Variants in SLC15A5 observed in about 807,000 individuals in gnomAD.
SLC15A5 encodes the protein solute carrier family 15 member 5, also known as Peptide/histidine transporter ENSP00000340402.
In SLC15A5, 58 loss-of-function variants were observed where a neutral mutation model predicts 56.1. That is an observed-to-expected ratio of 1.03 (90% CI 0.84 to 1.29). SLC15A5 has a LOEUF of 1.29. SLC15A5 is among the 50% of genes most tolerant of loss of function. The probability of loss-of-function intolerance (pLI) is 0.00; values close to 1 mark genes in which losing one functional copy is unlikely to be tolerated. For missense variants in SLC15A5, 681 were observed against 672.1 expected, an observed-to-expected ratio of 1.01 and a Z score of -0.15; for synonymous variants, 264 against 250.5, an observed-to-expected ratio of 1.05 and a Z score of -0.51.
intron 7 of SLC15A5, among the ~76,000 whole-genome samples, chr12:16,215,672 G>A (rs1864124962): frequency 6.6e-6 from 1 of 152,250 alleles, no homozygotes; most frequent in African/African-American, 2.4e-5. Flanking sequence ...ACAATTCCAG[G>A]TAGCACACGG....
chr12:16,206,042 G>A (rs899405992), intron 7 of SLC15A5, among the ~76,000 whole-genome samples: 4 of 152,250 alleles, frequency 2.6e-5, no homozygotes, highest in East Asian at 1.9e-4. Flanking sequence ...TCTGAGGCAC[G>A]CCTTCTACTT....
intron 1 of SLC15A5, 128 bp downstream of exon 1, chr12:16,277,197 A>G (rs1350459822): frequency 2.2e-6 from 2 of 904,406 alleles, no homozygotes; most frequent in Non-Finnish European, 3.2e-6. Flanking sequence ...AATACATTGA[A>G]CCCACATTCT....
chr12:16,202,560 A>G (rs760006241), intron 7 of SLC15A5, among the ~76,000 whole-genome samples: 23 of 152,132 alleles, frequency 1.5e-4, no homozygotes, highest in Non-Finnish European at 2.1e-4. Flanking sequence ...TAAAAATAGC[A>G]TTACCATAGC....
intron 8 of SLC15A5, among the ~76,000 whole-genome samples, chr12:16,191,059 C>G (rs149378473): frequency 2.6e-4 from 40 of 152,166 alleles, no homozygotes; most frequent in African/African-American, 9.6e-4. Context: ...TTTCATCTAC[C>G]TACTTCCTTC....
intron 8 of SLC15A5, among the ~76,000 whole-genome samples, chr12:16,193,759 C>T (rs1863861471): frequency 9.1e-6 from 1 of 110,154 alleles, no homozygotes; most frequent in Admixed American, 1.1e-4. Flanking sequence ...AAGTACACAG[C>T]TGTCCAAGAA....
intron 6 of SLC15A5, among the ~76,000 whole-genome samples, chr12:16,221,512 C>T (rs960287688): frequency 2.0e-5 from 3 of 152,146 alleles, no homozygotes; most frequent in Non-Finnish European, 4.4e-5. Flanking sequence ...GAAACACACA[C>T]ATTTCTGGGG....
At position 16,277,421 on chromosome 12, in the gene SLC15A5, T is replaced by C; in HGVS notation, c.265A>G (p.Thr89Ala). 2.0e-6 allele frequency: 3 copies of C among 1,536,538 alleles called. No individual in the cohort carries two copies. The highest frequency in any genetic ancestry group is 1.2e-5 in the South Asian group (1 of 84,044). ...ACAAACACAGGGGTAAGTATTGAAG[T>C]TCCAATAAAACACAAGTTTAAGATG... ...AAILNLCFIG[T>A]SILTPVFVRW... Residue 89 changes from threonine (T) to alanine (A), a missense_variant, in exon 1 of 9, where the codon ACT (threonine) becomes GCT (alanine). By Grantham distance (58) the Thr-to-Ala change is moderately conservative. Coordinates refer to ENST00000344941, the MANE Select transcript of SLC15A5 (RefSeq NM_001170798.1).
At chr12:16,229,647 TACACACACACAC>T (rs71438372) in intron 5 of SLC15A5, among the ~76,000 whole-genome samples, 16 of 144,390 alleles carry the variant, frequency 1.1e-4, no homozygotes, top group Admixed American at 4.2e-4. Flanking sequence ...CACACACACA[TACACACACACAC>T]ACACACACAC....
chr12:16,277,364 T>G lies in SLC15A5; in HGVS notation c.322A>C (p.Asn108His), dbSNP rs1174227690. Reference protein sequence around the residue: ...RWLTDVYLGRNKLVYICLFLH... With the variant: ...RWLTDVYLGRHKLVYICLFLH... ...AACAAGCAAATGTACACCAGTTTGT[T>G]TCTTCCTAAATAGACATCAGTGAGC... The change falls in exon 1 of 9, where the codon AAC (asparagine) becomes CAC (histidine). Residue 108 changes from asparagine to histidine, a missense_variant. Transcript: ENST00000344941. 8.5e-6 allele frequency: 13 copies of G among 1,535,258 alleles called. No individual in the cohort carries two copies. Among genetic ancestry groups the G allele is most frequent in the Non-Finnish European group, 1.0e-5 (12 of 1,145,786 alleles).
At position 16,194,329 on chromosome 12, in the gene SLC15A5, C is replaced by G; in HGVS notation, c.1592+16G>C. On this transcript the variant is annotated intron_variant, in intron 8 of 8. Transcript: ENST00000344941. ...ATGGACTCAGAAATTTTTCATCTTA[C>G]CACACACTTACTTACCTTTGTGAAA... 1 of 1,495,314 alleles carries G rather than the reference C, an allele frequency of 6.7e-7. No homozygotes were observed. Among genetic ancestry groups the G allele is most frequent in the Non-Finnish European group, 9.0e-7 (1 of 1,112,808 alleles). The allele number at this position is 1,495,314 out of a possible 1,614,324, so 92.6% of individuals were successfully genotyped here.
intron 3 of SLC15A5, among the ~76,000 whole-genome samples, chr12:16,247,626 A>G (rs1397881975): frequency 9.9e-5 from 15 of 152,098 alleles, no homozygotes; most frequent in Admixed American, 9.8e-4. Context: ...AAACAGGCAA[A>G]GAGACGTAGG....
At chr12:16,236,001 A>G (rs1305581940) in intron 5 of SLC15A5, among the ~76,000 whole-genome samples, 4 of 152,172 alleles carry the variant, frequency 2.6e-5, no homozygotes, top group Admixed American at 2.6e-4. Flanking sequence ...TATTGCAGTT[A>G]TGTGAATATA....
chr12:16,190,037 C>T (rs3915244), intron 8 of SLC15A5, among the ~76,000 whole-genome samples: 72,051 of 151,968 alleles, frequency 0.47, 17,582 homozygotes, highest in East Asian at 0.71. Flanking sequence ...CTTTAGGTGG[C>T]GCTTTTTAAC....
At chr12:16,259,197 TA>T (rs1864614388) in intron 2 of SLC15A5, among the ~76,000 whole-genome samples, 1 of 112,980 alleles carries the variant, frequency 8.9e-6, no homozygotes, top group Admixed American at 8.7e-5. Context: ...CCATACCTGG[TA>T]ATTTTTTTTT....
chr12:16,200,026 A>C (rs898471976), intron 7 of SLC15A5, among the ~76,000 whole-genome samples: 1 of 151,734 alleles, frequency 6.6e-6, no homozygotes, highest in Non-Finnish European at 1.5e-5. Flanking sequence ...ATCCACATAC[A>C]CTCTCAGTTA....
chr12:16,208,667 T>TA (rs1379592545), intron 7 of SLC15A5, among the ~76,000 whole-genome samples: 1 of 152,090 alleles, frequency 6.6e-6, no homozygotes, highest in Non-Finnish European at 1.5e-5. Flanking sequence ...ATCCCATCTC[T>TA]AAAAAACCCC....
intron 2 of SLC15A5, among the ~76,000 whole-genome samples, chr12:16,268,544 G>C (rs1404001665): frequency 6.6e-6 from 1 of 152,140 alleles, no homozygotes; most frequent in African/African-American, 2.4e-5. Context: ...TTGCTGAAAT[G>C]TACCTTATAA....
rs1473428506 is a variant in SLC15A5 at position 16,257,816 on chromosome 12, G to A, written c.639C>T (p.Tyr213=). Residue 213 remains tyrosine (Y), a synonymous_variant, in exon 3 of 9, where the codon TAC becomes TAT. Coordinates refer to ENST00000344941, the MANE Select transcript of SLC15A5 (RefSeq NM_001170798.1). ...NATIVFLGIS[Y]IQHSQAWALV... is the part of the protein sequence containing the mutation. ...GGGCCCAGGCCTGTGAGTGCTGGAT[G>A]TAAGATATTCCCAGAAACACAATAG... The A allele has an allele frequency of 1.3e-6, 2 of 1,524,486 alleles. No homozygotes were observed. The highest frequency in any genetic ancestry group is 2.1e-5 in the Admixed American group (1 of 48,364). 94.4% of individuals were successfully genotyped at this position (1,524,486 alleles called of 1,614,324 possible).
At chr12:16,212,182 G>A (rs1391057118) in intron 7 of SLC15A5, among the ~76,000 whole-genome samples, 1 of 152,104 alleles carries the variant, frequency 6.6e-6, no homozygotes, top group Non-Finnish European at 1.5e-5. Context: ...GCCTGATCTT[G>A]TTTTTGGCCA....
Sources: allele counts gnomAD v4.1 joint callset (sites outside exome capture counted in the v4.1 genomes callset), GRCh38; gene constraint gnomAD v4.1.1; transcripts MANE v1.5; gene names NCBI Gene and HGNC (gene_info 2026-07-23, HGNC 2026-07-21).